Variants in CPLANE2 observed in about 807,000 individuals in gnomAD.
CPLANE2 encodes the protein ciliogenesis and planar polarity effector 2.
Under a neutral mutation model 20.9 loss-of-function variants are expected in CPLANE2, and 24 were observed. The observed-to-expected ratio is 1.15, with a 90% confidence interval of 0.83 to 1.61. The LOEUF (loss-of-function observed/expected upper bound fraction) is 1.61, where lower values mean the gene tolerates loss of function less well. Among genes scored for constraint, CPLANE2 ranks in the 40% most tolerant of loss-of-function variants. The pLI, the probability that CPLANE2 is intolerant of heterozygous loss-of-function variation, is 0.00. For missense variants in CPLANE2, 330 were observed against 355.1 expected (o/e 0.93, Z 0.57); for synonymous variants, 132 against 144.3 (o/e 0.92, Z 0.61).
intron 1 of CPLANE2, among the ~76,000 whole-genome samples, chr1:16,235,268 C>G (rs2081456066): frequency 1.3e-5 from 2 of 152,224 alleles, no homozygotes; most frequent in Admixed American, 6.5e-5. Context: ...TGCCATTCCT[C>G]TAAGTTATGG....
intron 1 of CPLANE2, among the ~76,000 whole-genome samples, chr1:16,235,910 A>ACCT (rs2100397115): frequency 6.6e-6 from 1 of 152,108 alleles, no homozygotes; most frequent in East Asian, 1.9e-4. Flanking sequence ...TGAACTCCTG[A>ACCT]CCTCAGGTGA....
Position 16,233,713 on chromosome 1 carries a change from C to T in CPLANE2, c.164G>A (p.Ser55Asn), listed in dbSNP as rs2100393455. ...LLPPVSIDTA[S>N]YKIFVSGKSG... ...CTTCCCGGACACAAAGATCTTGTAG[C>T]TGGCAGTGTCAATGGACACAGGCGG... The change falls in exon 2 of 5, where the codon AGC becomes AAC. Residue 55 changes from serine to asparagine, a missense_variant. Coordinates refer to ENST00000375599, the MANE Select transcript of CPLANE2 (RefSeq NM_030907.4). 2 of 1,614,210 alleles carry T rather than the reference C, an allele frequency of 1.2e-6. No homozygotes were observed. The highest frequency in any genetic ancestry group is 1.7e-6 in the Non-Finnish European group (2 of 1,180,050).
intron 1 of CPLANE2, among the ~76,000 whole-genome samples, chr1:16,236,296 A>T (rs1011595208): frequency 2.0e-5 from 3 of 152,184 alleles, no homozygotes; most frequent in Non-Finnish European, 4.4e-5. Context: ...TGCTGTTGAG[A>T]GGTTAAATGG....
chr1:16,234,409 AAAT>A (rs1347270910), intron 1 of CPLANE2, among the ~76,000 whole-genome samples: 2 of 152,180 alleles, frequency 1.3e-5, no homozygotes, highest in African/African-American at 4.8e-5. Context: ...CTCAAAAAAT[AAAT>A]AAATAAATAA....
rs142517793 is a variant in CPLANE2 at position 16,233,764 on chromosome 1, C to A, written c.113G>T (p.Gly38Val). 3 of 1,613,906 alleles carry A rather than the reference C, an allele frequency of 1.9e-6. No individual in the cohort carries two copies. The African/African-American group carries it at 4.0e-5, about 22-fold the overall frequency. Residue 38 changes from glycine (G) to valine (V), a missense_variant and splice_region_variant, in exon 2 of 5, where the codon GGG becomes GTG. By Grantham distance (109) the Gly-to-Val change is moderately radical. Transcript: ENST00000375599. ...ILRKNRRRVF[G>V]LLERPVLLPP... ...CAGCAGCACTGGCCGCTCAAGCAGCCCTAGGGCAAAGAGAGAGCCAGGCAG... is the reference window on the plus strand; with the variant it reads ...CAGCAGCACTGGCCGCTCAAGCAGCACTAGGGCAAAGAGAGAGCCAGGCAG...
Position 16,231,967 on chromosome 1 carries a change from G to T in CPLANE2, c.*81C>A. 6.5e-7 allele frequency: 1 copy of T among 1,541,748 alleles called. No individual in the cohort carries two copies. Among genetic ancestry groups the T allele is most frequent in the Non-Finnish European group, 8.8e-7 (1 of 1,139,342 alleles). ...CCATGCTGGCCAGTCCTCCAGATAG[G>T]ATCCATGTTCCTGCCCCAGCCTCCA... On this transcript the variant is annotated 3_prime_UTR_variant, in exon 5 of 5. Transcript: ENST00000375599.
In CPLANE2 at chr1:16,231,852, G is replaced by T; in HGVS notation, c.*196C>A. On this transcript the variant is annotated 3_prime_UTR_variant, in exon 5 of 5. Transcript: ENST00000375599. ...GGCCACGGGAGATGTTCGAGCTCAG[G>T]GCCTTGGTCCCCACCTCCCTGCCAT... 1.4e-6 allele frequency: 1 copy of T among 736,464 alleles called. No individual in the cohort carries two copies. Among genetic ancestry groups the T allele is most frequent in the Non-Finnish European group, 2.2e-6 (1 of 463,816 alleles). The allele number at this position is 736,464 out of a possible 1,614,324, so 45.6% of individuals were successfully genotyped here. A position where few individuals can be genotyped will look rare whatever the true frequency, so the allele number is the denominator to read the frequency against.
At chr1:16,233,059 G>A (rs866376506) in intron 2 of CPLANE2, 42 bp from the exon 3 acceptor site, 3 of 1,609,652 alleles carry the variant, frequency 1.9e-6, no homozygotes, top group African/African-American at 2.7e-5. Context: ...TGGGAGAGGT[G>A]GAGATGGGAG....
intron 1 of CPLANE2, among the ~76,000 whole-genome samples, chr1:16,236,414 G>A (rs2081466098): frequency 6.6e-6 from 1 of 152,252 alleles, no homozygotes; most frequent in Non-Finnish European, 1.5e-5. Flanking sequence ...CTGTTTCCAT[G>A]TTCCTGGCTC....
At position 16,232,081 on chromosome 1, in the gene CPLANE2, C is replaced by T. The variant is rs2081424155; in HGVS notation, c.744G>A (p.Leu248=). 1 of 1,613,306 alleles carries T rather than the reference C, an allele frequency of 6.2e-7. No homozygotes were observed. Among genetic ancestry groups the T allele is most frequent in the Non-Finnish European group, 8.5e-7 (1 of 1,179,960 alleles). Residue 248 remains leucine (L), a synonymous_variant, in exon 5 of 5, where the codon CTG becomes CTA. Coordinates refer to ENST00000375599, the MANE Select transcript of CPLANE2 (RefSeq NM_030907.4). ...LWHQDQVAAG[L]LPNPPESAPE ...GAGCACTCTCTGGGGGGTTGGGAAGCAGGCCAGCCGCCACCTGGTCCTGGT... is the reference window on the plus strand; with the variant it reads ...GAGCACTCTCTGGGGGGTTGGGAAGTAGGCCAGCCGCCACCTGGTCCTGGT...
intron 1 of CPLANE2, among the ~76,000 whole-genome samples, chr1:16,235,617 C>T (rs147942816): frequency 9.1e-4 from 139 of 151,944 alleles, no homozygotes; most frequent in African/African-American, 3.2e-3. Context: ...TATGTGTGAC[C>T]CCAAATACAG....
intron 1 of CPLANE2, among the ~76,000 whole-genome samples, chr1:16,235,080 A>G (rs1405538080): frequency 1.3e-5 from 2 of 152,190 alleles, no homozygotes; most frequent in Non-Finnish European, 2.9e-5. Flanking sequence ...ATACAAAGAG[A>G]CTAGCCTAAG....
At position 16,231,810 on chromosome 1, in the gene CPLANE2, G is replaced by A; in HGVS notation, c.*238C>T. 1.7e-6 allele frequency: 1 copy of A among 584,584 alleles called. No homozygotes were observed. Among genetic ancestry groups the A allele is most frequent in the Non-Finnish European group, 3.0e-6 (1 of 333,406 alleles). The allele number at this position is 584,584 out of a possible 1,614,324, so 36.2% of individuals were successfully genotyped here. A position where few individuals can be genotyped will look rare whatever the true frequency, so the allele number is the denominator to read the frequency against. On this transcript the variant is annotated 3_prime_UTR_variant, in exon 5 of 5. Coordinates refer to ENST00000375599, the MANE Select transcript of CPLANE2 (RefSeq NM_030907.4). ...CCTCTCCCAGTCATCCTCCATCGGT[G>A]CTGCCAAAGGGGGAAAGGCCACGGG...
chr1:16,232,783 T>C (rs905049622), intron 3 of CPLANE2, 110 bp downstream of exon 3: 3 of 1,565,650 alleles, frequency 1.9e-6, no homozygotes, highest in Admixed American at 3.5e-5. Flanking sequence ...AGGACAAGCA[T>C]GGGCTGGGAC....
Position 16,232,517 on chromosome 1 carries a change from C to T in CPLANE2, c.520G>A (p.Gly174Ser), listed in dbSNP as rs553404746. The T allele has an allele frequency of 3.6e-5, 58 of 1,613,748 alleles. No homozygotes were observed. The South Asian group carries it at 4.5e-4, about 13-fold the overall frequency. Residue 174 changes from glycine (G) to serine (S), a missense_variant, in exon 4 of 5, where the codon GGC becomes AGC. Coordinates refer to ENST00000375599, the MANE Select transcript of CPLANE2 (RefSeq NM_030907.4). ...AGGATATCCAAAGGATACTTGGAGCCGATGACCATCCTGACGACACCAGGG... is the reference window on the plus strand; with the variant it reads ...AGGATATCCAAAGGATACTTGGAGCTGATGACCATCCTGACGACACCAGGG... Reference protein sequence around the residue: ...EAPGVVRMVIGSKFDQYMHTD... With the variant: ...EAPGVVRMVISSKFDQYMHTD...
intron 1 of CPLANE2, among the ~76,000 whole-genome samples, chr1:16,235,113 T>G (rs1293109923): frequency 2.0e-5 from 3 of 152,260 alleles, no homozygotes; most frequent in African/African-American, 7.2e-5. Context: ...TCTGTTGATA[T>G]TTATTTACTA....
At position 16,232,584 on chromosome 1, in the gene CPLANE2, A is replaced by G. The variant is rs764284735; in HGVS notation, c.453T>C (p.Phe151=). 2.5e-6 allele frequency: 4 copies of G among 1,614,064 alleles called. 1 individual carries two copies. The South Asian group carries it at 4.4e-5, about 18-fold the overall frequency. ...FLFSFTDRAS[F]EDLPGQLARI... The stretch of plus-strand genomic sequence containing the variant: ...GGGCCAGCTGTCCAGGGAGGTCTTC[A>G]AAGGAGGCACGGTCAGTGAAGGAGA... Residue 151 remains phenylalanine, a synonymous_variant, in exon 4 of 5, where the codon TTT becomes TTC. Transcript: ENST00000375599.
Position 16,232,163 on chromosome 1 carries a change from C to A in CPLANE2, c.662G>T (p.Arg221Leu). The A allele has an allele frequency of 6.2e-7, 1 of 1,613,236 alleles. No homozygotes were observed. Among genetic ancestry groups the A allele is most frequent in the Admixed American group, 1.7e-5 (1 of 60,002 alleles). Residue 221 changes from arginine to leucine, a missense_variant, in exon 5 of 5, where the codon CGG becomes CTG. Transcript: ENST00000375599. Reference protein sequence around the residue: ...RLADGRTLDGRAGLADVAHIL... With the variant: ...RLADGRTLDGLAGLADVAHIL... ...GTGGGCAACGTCGGCCAGCCCAGCCCGCCCGTCCAGTGTGCGCCCATCAGC... is the reference window on the plus strand; with the variant it reads ...GTGGGCAACGTCGGCCAGCCCAGCCAGCCCGTCCAGTGTGCGCCCATCAGC...
In CPLANE2 at chr1:16,233,610, A is replaced by G; in HGVS notation, c.265+2T>C. ...TGGGCAAAGGATAGAGGTCCCACTCACCGGTGGTCTCGTGGTGCACCACAG... is the reference window on the plus strand; with the variant it reads ...TGGGCAAAGGATAGAGGTCCCACTCGCCGGTGGTCTCGTGGTGCACCACAG... On this transcript the variant is annotated splice_donor_variant, in intron 2 of 4. Transcript: ENST00000375599. LOFTEE classifies it high-confidence loss of function. 1 of 1,614,000 alleles carries G rather than the reference A, an allele frequency of 6.2e-7. No homozygotes were observed. The highest frequency in any genetic ancestry group is 8.5e-7 in the Non-Finnish European group (1 of 1,180,002).
Sources: gnomAD v4.1 joint callset for allele counts (sites outside exome capture counted in the v4.1 genomes callset) on GRCh38, gnomAD v4.1.1 for gene constraint, MANE v1.5 for transcripts, NCBI Gene and HGNC (gene_info 2026-07-23, HGNC 2026-07-21) for gene names.